SCN7A: variants seen among roughly 807,000 people sequenced by gnomAD.
The protein encoded by SCN7A is sodium voltage-gated channel alpha subunit 7.
SCN7A carries 138 observed loss-of-function variants against 155.2 expected under a neutral mutation model. That is an observed-to-expected ratio of 0.89 (90% CI 0.77 to 1.02). SCN7A has a LOEUF of 1.02. Ranked by LOEUF, SCN7A falls within the 50% of genes least tolerant of loss-of-function variation. The probability of loss-of-function intolerance (pLI) is 0.00; values close to 1 mark genes in which losing one functional copy is unlikely to be tolerated. For synonymous variants in SCN7A, 693 were observed against 649.0 expected, an observed-to-expected ratio of 1.07 and a Z score of -1.03; for missense variants, 2,058 against 1,986.6, an observed-to-expected ratio of 1.04 and a Z score of -0.68.
In SCN7A at chr2:166,411,141, T is replaced by C. The variant is rs138923440; in HGVS notation, c.3607-817A>G. 4.5e-3 allele frequency among the ~76,000 whole-genome samples: 685 copies of C among 152,194 alleles called. 8 individuals are homozygous for C. Among genetic ancestry groups the C allele is most frequent in the African/African-American group, 0.016 (664 of 41,556 alleles). On this transcript the variant is annotated intron_variant, in intron 23 of 25. Transcript: ENST00000643258. ...TGATTGATATACAGTAGTCCCCCCT[T>C]ATCTGAAGTCTCACTTTCCACACTA...
chr2:166,493,421 A>C (rs988244201), intron 1 of SCN7A, among the ~76,000 whole-genome samples: 13 of 152,236 alleles, frequency 8.5e-5, no homozygotes, highest in African/African-American at 2.9e-4. Context: ...AACAATGCAA[A>C]AACAACAACA....
rs972930860 is a variant in SCN7A, at chr2:166,409,645, T to C, written c.3982+20A>G. 7.6e-6 allele frequency: 11 copies of C among 1,452,468 alleles called. No individual in the cohort carries two copies. In the African/African-American group the frequency reaches 1.4e-4, roughly 19 times the overall value. 90.0% of individuals were successfully genotyped at this position (1,452,468 alleles called of 1,614,324 possible). On this transcript the variant is annotated intron_variant, in intron 25 of 25. Coordinates refer to ENST00000643258, the MANE Select transcript of SCN7A (RefSeq NM_002976.4). ...AATTAATATTATTATCAGTAAAAAT[T>C]TGACTAAACAAAATCTTACCTGTGA...
chr2:166,470,443 G>A (rs1259885095), intron 7 of SCN7A, among the ~76,000 whole-genome samples, 172 bp downstream of exon 7: 1 of 151,734 alleles, frequency 6.6e-6, no homozygotes, highest in Non-Finnish European at 1.5e-5. Context: ...GTCAATGTAC[G>A]TTTTTTCTTC....
At chr2:166,462,639 A>C in intron 9 of SCN7A, 109 bp from the exon 10 acceptor site, 1 of 943,452 alleles carries the variant, frequency 1.1e-6, no homozygotes, top group Non-Finnish European at 1.5e-6. Flanking sequence ...TCACGCTTCC[A>C]CAGGGAGAGT....
chr2:166,448,880 A>G (rs1702120845), intron 11 of SCN7A, among the ~76,000 whole-genome samples: 3 of 152,230 alleles, frequency 2.0e-5, no homozygotes, highest in Admixed American at 2.0e-4. Flanking sequence ...TGCTCTTGAC[A>G]AAATAAAAAA....
At position 166,406,752 on chromosome 2, in the gene SCN7A, C is replaced by A. The variant is rs1701085830; in HGVS notation, c.3983-106G>T. On this transcript the variant is annotated intron_variant, in intron 25 of 25. Coordinates refer to ENST00000643258, the MANE Select transcript of SCN7A (RefSeq NM_002976.4). Reference sequence around the variant, plus strand: ...AATTGTTTTTCCCTGTTTTATTAATCCTTTATTGATCCCTTCCATTTTACT... The same window carrying A: ...AATTGTTTTTCCCTGTTTTATTAATACTTTATTGATCCCTTCCATTTTACT... The A allele has an allele frequency of 7.6e-6, 6 of 793,766 alleles. No individual in the cohort carries two copies. In the South Asian group the frequency reaches 1.2e-4, roughly 15 times the overall value. The allele number at this position is 793,766 out of a possible 1,614,324, so 49.2% of individuals were successfully genotyped here.
intron 2 of SCN7A, among the ~76,000 whole-genome samples, chr2:166,482,955 G>T (rs1028888539): frequency 6.6e-6 from 1 of 151,858 alleles, no homozygotes; most frequent in Non-Finnish European, 1.5e-5. Flanking sequence ...ACTAAAGTCC[G>T]AAAAAATATA....
intron 21 of SCN7A, among the ~76,000 whole-genome samples, chr2:166,414,073 ATGTAAATATATG>A (rs1402511822): frequency 2.3e-5 from 1 of 43,596 alleles, no homozygotes; most frequent in Non-Finnish European, 5.3e-5. Context: ...TATATTATAT[ATGTAAATATATG>A]TAAATATATA....
rs199980327 is a variant in SCN7A at position 166,444,845 on chromosome 2, T to C, written c.1543A>G (p.Ile515Val). ...GTCAGAAAACATACGTTTAAAATTA[T>C]GCATATGATAAGGAAAAGATCAGTA... is the stretch of plus-strand genomic sequence containing the variant. Reference protein sequence around the residue: ...PFTDLFLIICIILNVCFLTLE... With the variant: ...PFTDLFLIICVILNVCFLTLE... The change falls in exon 13 of 26, where the codon ATA becomes GTA. Residue 515 changes from isoleucine (I) to valine (V), a missense_variant. By Grantham distance (29) the Ile-to-Val change is conservative. Coordinates refer to ENST00000643258, the MANE Select transcript of SCN7A (RefSeq NM_002976.4). 565 of 1,611,898 alleles carry C rather than the reference T, an allele frequency of 3.5e-4. 1 individual carries two copies. Among genetic ancestry groups the C allele is most frequent in the Non-Finnish European group, 4.5e-4 (529 of 1,178,708 alleles).
chr2:166,414,279 T>TGTAAATATAG (rs1559088779), intron 21 of SCN7A, among the ~76,000 whole-genome samples: 1,315 of 31,224 alleles, frequency 0.042, 217 homozygotes, highest in Non-Finnish European at 0.063. Context: ...CACATATATA[T>TGTAAATATAG]ATATATACAC....
chr2:166,419,136 T>C (rs1308530246), intron 20 of SCN7A, among the ~76,000 whole-genome samples: 1 of 152,038 alleles, frequency 6.6e-6, no homozygotes, highest in East Asian at 1.9e-4. Flanking sequence ...ATTTTGTTAC[T>C]TTTTTTTCCT....
At position 166,444,884 on chromosome 2, in the gene SCN7A, T is replaced by C; in HGVS notation, c.1504A>G (p.Ile502Val). The change falls in exon 13 of 26, where the codon ATA becomes GTA. Residue 502 changes from isoleucine to valine, a missense_variant. By Grantham distance (29) the Ile-to-Val change is conservative. Transcript: ENST00000643258. ...LKLKEFVHRI[I>V]MAPFTDLFLI... Reference sequence around the variant, plus strand: ...AAAAGATCAGTAAATGGTGCCATTATAATCCTATGGACAAACTCTTTCAAT... The same window carrying C: ...AAAAGATCAGTAAATGGTGCCATTACAATCCTATGGACAAACTCTTTCAAT... 1.2e-6 allele frequency: 2 copies of C among 1,612,828 alleles called. No individual in the cohort carries two copies.
intron 19 of SCN7A, among the ~76,000 whole-genome samples, chr2:166,422,437 T>C (rs1428599579): frequency 6.6e-6 from 1 of 151,692 alleles, no homozygotes; most frequent in Non-Finnish European, 1.5e-5. Context: ...AGTATTGGAG[T>C]GGCTGCAGTT....
intron 24 of SCN7A, 94 bp from the exon 25 acceptor site, chr2:166,410,029 AAATGAG>A (rs991526102): frequency 5.4e-6 from 7 of 1,294,770 alleles, no homozygotes; most frequent in African/African-American, 1.5e-5. Context: ...TTCCCAAAAT[AAATGAG>A]AATAAGTGTG....
intron 3 of SCN7A, among the ~76,000 whole-genome samples, chr2:166,475,346 C>T (rs1445156340): frequency 1.3e-5 from 2 of 149,312 alleles, no homozygotes; most frequent in Non-Finnish European, 3.0e-5. Context: ...CTATTAGATA[C>T]TACGGTATTA....
At chr2:166,446,761 A>G in intron 12 of SCN7A, among the ~76,000 whole-genome samples, 1 of 152,192 alleles carries the variant, frequency 6.6e-6, no homozygotes. Flanking sequence ...TCAGAAAACT[A>G]ACATAGGAAC....
chr2:166,479,420 G>A (rs1702871723), intron 2 of SCN7A, among the ~76,000 whole-genome samples: 1 of 152,052 alleles, frequency 6.6e-6, no homozygotes, highest in South Asian at 2.1e-4. Context: ...AGGATACATG[G>A]TACATTTCTG....
chr2:166,416,560 A>T, intron 21 of SCN7A, 147 bp downstream of exon 21: 1 of 688,214 alleles, frequency 1.5e-6, no homozygotes, highest in South Asian at 2.1e-5. Flanking sequence ...GGTTCCCCCG[A>T]TAGTTGTATG....
At chr2:166,460,908 T>C (rs1438599225) in intron 10 of SCN7A, among the ~76,000 whole-genome samples, 1 of 152,006 alleles carries the variant, frequency 6.6e-6, no homozygotes, top group Non-Finnish European at 1.5e-5. Context: ...TGTGATAAGA[T>C]TATTTTAGAA....
Sources: allele counts gnomAD v4.1 joint callset (sites outside exome capture counted in the v4.1 genomes callset), GRCh38; gene constraint gnomAD v4.1.1; transcripts MANE v1.5; gene names NCBI Gene and HGNC (gene_info 2026-07-23, HGNC 2026-07-21).